ZC3H11A: variants seen among roughly 807,000 people sequenced by gnomAD.
ZC3H11A encodes zinc finger CCCH-type containing 11A.
A neutral mutation model predicts 90.8 loss-of-function variants in ZC3H11A; 22 were observed. The ratio of observed to expected loss-of-function variants is 0.24; its 90% CI spans 0.17 to 0.35. The LOEUF (loss-of-function observed/expected upper bound fraction) is 0.35, where lower values mean the gene tolerates loss of function less well. Ranked by LOEUF, ZC3H11A falls within the 10% of genes least tolerant of loss-of-function variation. The pLI, the probability that ZC3H11A is intolerant of heterozygous loss-of-function variation, is 1.00. For missense variants in ZC3H11A, 701 were observed against 964.9 expected, an observed-to-expected ratio of 0.73 and a Z score of 3.62; for synonymous variants, 294 against 339.8, an observed-to-expected ratio of 0.87 and a Z score of 1.48.
chr1:203,833,624 T>C (rs893494913), intron 9 of ZC3H11A, among the ~76,000 whole-genome samples, 167 bp from the exon 10 acceptor site: 15 of 149,352 alleles, frequency 1.0e-4, no homozygotes, highest in African/African-American at 3.7e-4. Context: ...TTGGGTTTTT[T>C]TTTTTTTTTT....
At chr1:203,821,867 C>T (rs1245960709) in intron 4 of ZC3H11A, among the ~76,000 whole-genome samples, 2 of 151,962 alleles carry the variant, frequency 1.3e-5, no homozygotes, top group African/African-American at 2.4e-5. Context: ...ACACCATTCT[C>T]CTGTTTCAGT....
At chr1:203,849,247 T>G (rs1180557291) in intron 14 of ZC3H11A, among the ~76,000 whole-genome samples, 3 of 152,238 alleles carry the variant, frequency 2.0e-5, no homozygotes, top group Non-Finnish European at 2.9e-5. Context: ...AACCCATGTT[T>G]AGAACATAAT....
intron 10 of ZC3H11A, among the ~76,000 whole-genome samples, chr1:203,835,365 T>A (rs1420828266): frequency 6.6e-6 from 1 of 152,188 alleles, no homozygotes; most frequent in African/African-American, 2.4e-5. Context: ...GTTAAATAAC[T>A]TGCCTAAGGT....
chr1:203,829,494 G>A lies in ZC3H11A; in HGVS notation c.342G>A (p.Lys114=), dbSNP rs1001343282. ...TVPESPEEEV[K]ASQLSVQQNK... ...CTGAGTCACCAGAAGAGGAAGTGAA[G>A]GCTAGCCAACTTTCAGTTCAGCAGA... The change falls in exon 6 of 18, where the codon AAG becomes AAA. Residue 114 remains lysine (K), a synonymous_variant. Coordinates refer to ENST00000367210, the MANE Select transcript of ZC3H11A (RefSeq NM_001376342.1). The A allele has an allele frequency of 5.6e-6, 9 of 1,613,862 alleles. No individual in the cohort carries two copies. The Middle Eastern group carries it at 4.9e-4, about 89-fold the overall frequency.
chr1:203,833,620 T>G (rs1352298188), intron 9 of ZC3H11A, among the ~76,000 whole-genome samples, 171 bp from the exon 10 acceptor site: 2 of 30,180 alleles, frequency 6.6e-5, no homozygotes, highest in African/African-American at 2.1e-4. Context: ...AGGTTTGGGT[T>G]TTTTTTTTTT....
intron 1 of ZC3H11A, chr1:203,799,876 G>A (rs367894958): frequency 2.6e-6 from 4 of 1,535,672 alleles, no homozygotes; most frequent in South Asian, 1.2e-5. Context: ...TTTCCTCAAG[G>A]TGCTGATTTA....
intron 5 of ZC3H11A, 139 bp from the exon 6 acceptor site, chr1:203,829,312 C>G: frequency 1.2e-6 from 1 of 823,676 alleles, no homozygotes; most frequent in South Asian, 1.8e-5. Context: ...CTCCCTGGGA[C>G]TTTAGAACTT....
In ZC3H11A at chr1:203,824,811, G is replaced by T. The variant is rs541171240; in HGVS notation, c.175-3488G>T. Among the ~76,000 whole-genome samples, 6 of 152,312 alleles carry T rather than the reference G, an allele frequency of 3.9e-5. No individual in the cohort carries two copies. In the East Asian group the frequency reaches 1.2e-3, roughly 29 times the overall value. On this transcript the variant is annotated intron_variant, in intron 4 of 17. Coordinates refer to ENST00000367210, the MANE Select transcript of ZC3H11A (RefSeq NM_001376342.1). ...AATAGATTGTTAGGCCGGACACGGT[G>T]GCTCACGCCTGTAATCCCAGCACTT...
At chr1:203,816,141 A>G (rs1676303887) in intron 2 of ZC3H11A, among the ~76,000 whole-genome samples, 1 of 152,238 alleles carries the variant, frequency 6.6e-6, no homozygotes, top group African/African-American at 2.4e-5. Context: ...TACTTTTGGA[A>G]TAAAAATGCT....
At chr1:203,825,092 A>AG (rs1490526836) in intron 4 of ZC3H11A, among the ~76,000 whole-genome samples, 8 of 149,996 alleles carry the variant, frequency 5.3e-5, no homozygotes, top group African/African-American at 1.5e-4. Flanking sequence ...AAAAAAAAAA[A>AG]AAAGAAAATA....
At chr1:203,834,881 T>C (rs1683749664) in intron 10 of ZC3H11A, among the ~76,000 whole-genome samples, 2 of 152,190 alleles carry the variant, frequency 1.3e-5, no homozygotes, top group African/African-American at 4.8e-5. Flanking sequence ...TGCCCTCAGG[T>C]GATCCACCCG....
chr1:203,812,437 C>A (rs528922479), intron 2 of ZC3H11A, among the ~76,000 whole-genome samples: 1 of 152,186 alleles, frequency 6.6e-6, no homozygotes, highest in East Asian at 1.9e-4. Context: ...CATTCATGTC[C>A]CTGCAAAGGA....
chr1:203,797,696 G>A, intron 1 of ZC3H11A: 4 of 1,535,376 alleles, frequency 2.6e-6, no homozygotes, highest in Non-Finnish European at 2.6e-6. Context: ...AGGCAAAACA[G>A]CCTGCTAAAA....
chr1:203,823,854 T>C (rs1679593675), intron 4 of ZC3H11A, among the ~76,000 whole-genome samples: 1 of 152,250 alleles, frequency 6.6e-6, no homozygotes, highest in East Asian at 1.9e-4. Flanking sequence ...ACATTCATAC[T>C]GTAGAGTGCC....
chr1:203,807,332 T>C (rs569792141), intron 2 of ZC3H11A, among the ~76,000 whole-genome samples: 2 of 152,194 alleles, frequency 1.3e-5, no homozygotes, highest in Admixed American at 6.5e-5. Context: ...TTTGCCCAGG[T>C]TGGAATACAG....
rs78148830 is a variant in ZC3H11A at position 203,820,983 on chromosome 1, G to A, written c.174+2294G>A. Among the ~76,000 whole-genome samples the A allele has an allele frequency of 7.1e-3, 1,074 of 152,102 alleles. 18 individuals carry two copies. Among genetic ancestry groups the A allele is most frequent in the African/African-American group, 0.025 (1,034 of 41,496 alleles). Reference sequence around the variant, plus strand: ...CTCATCAGACTTCAACTTTTTCCCCGTTATTGATGTGAATTAATGCAAACT... The same window carrying A: ...CTCATCAGACTTCAACTTTTTCCCCATTATTGATGTGAATTAATGCAAACT... On this transcript the variant is annotated intron_variant, in intron 4 of 17. Coordinates refer to ENST00000367210, the MANE Select transcript of ZC3H11A (RefSeq NM_001376342.1).
At chr1:203,814,569 G>C (rs977146854) in intron 2 of ZC3H11A, among the ~76,000 whole-genome samples, 2 of 151,440 alleles carry the variant, frequency 1.3e-5, no homozygotes, top group Non-Finnish European at 2.9e-5. Flanking sequence ...CCAATAACAC[G>C]ATCCTAATTT....
intron 3 of ZC3H11A, 150 bp from the exon 4 acceptor site, chr1:203,818,420 G>A (rs1677107096): frequency 9.6e-7 from 1 of 1,043,688 alleles, no homozygotes; most frequent in African/African-American, 1.6e-5. Context: ...CTCTCGGTTT[G>A]TTCCTGTCAT....
intron 2 of ZC3H11A, among the ~76,000 whole-genome samples, chr1:203,808,800 T>A (rs1034931627): frequency 1.3e-5 from 2 of 152,092 alleles, no homozygotes; most frequent in Non-Finnish European, 2.9e-5. Context: ...CGCCATCTTC[T>A]TCTTTTTTTT....
Sources: gnomAD v4.1 joint callset for allele counts (sites outside exome capture counted in the v4.1 genomes callset) on GRCh38, gnomAD v4.1.1 for gene constraint, MANE v1.5 for transcripts, NCBI Gene and HGNC (gene_info 2026-07-23, HGNC 2026-07-21) for gene names.